The following IL5RA variants were observed in gnomAD, a reference collection of about 807,000 sequenced individuals.
IL5RA encodes the protein interleukin-5 receptor subunit alpha.
IL5RA carries 49 observed loss-of-function variants against 50.0 expected under a neutral mutation model. The observed-to-expected ratio is 0.98, with a 90% CI of 0.78 to 1.24. The LOEUF (loss-of-function observed/expected upper bound fraction) is 1.24. Among genes scored for constraint, IL5RA ranks in the 50% most tolerant of loss-of-function variants. IL5RA has a pLI of 0.00. For synonymous variants in IL5RA, 202 were observed against 174.0 expected, an observed-to-expected ratio of 1.16 and a Z score of -1.26; for missense variants, 600 against 500.4, an observed-to-expected ratio of 1.20 and a Z score of -1.90.
chr3:3,079,790 C>G (rs1166166944), intron 9 of IL5RA, among the ~76,000 whole-genome samples: 1 of 152,170 alleles, frequency 6.6e-6, no homozygotes, highest in Non-Finnish European at 1.5e-5. Context: ...AATCCCAGCA[C>G]TTTGGGAGGC....
intron 9 of IL5RA, among the ~76,000 whole-genome samples, chr3:3,089,087 G>A (rs1474943210): frequency 6.6e-6 from 1 of 152,130 alleles, no homozygotes; most frequent in Non-Finnish European, 1.5e-5. Flanking sequence ...ATCAACCTAG[G>A]GAGGAGGGGA....
intron 9 of IL5RA, among the ~76,000 whole-genome samples, chr3:3,085,476 G>T (rs1247699559): frequency 6.6e-6 from 1 of 152,210 alleles, no homozygotes; most frequent in Non-Finnish European, 1.5e-5. Flanking sequence ...AGGAGAGACA[G>T]AGAGAAGGGA....
intron 9 of IL5RA, among the ~76,000 whole-genome samples, chr3:3,087,661 A>AG (rs556800817): frequency 8.5e-4 from 129 of 152,094 alleles, no homozygotes; most frequent in African/African-American, 2.4e-3. Context: ...TAACTATGAA[A>AG]GGGTTGATAT....
chr3:3,092,371 G>A lies in IL5RA; in HGVS notation c.856-9C>T. 1 of 1,611,526 alleles carries A rather than the reference G, an allele frequency of 6.2e-7. No individual in the cohort carries two copies. Among genetic ancestry groups the A allele is most frequent in the Admixed American group, 1.7e-5 (1 of 59,996 alleles). ...GTCATCAATTTTTCTATCTAAGTGG[G>A]GAAAGATAGCATTAGAAGAATCTCT... On this transcript the variant is annotated splice_polypyrimidine_tract_variant and intron_variant, in intron 8 of 11. Transcript: ENST00000446632. The surrounding 1 kb of genome is among the most constrained non-coding windows in gnomAD (Gnocchi z 4.2).
At chr3:3,072,011 A>G (rs1204772679) in intron 11 of IL5RA, among the ~76,000 whole-genome samples, 1 of 152,220 alleles carries the variant, frequency 6.6e-6, no homozygotes. Flanking sequence ...GGTGCACATT[A>G]CCATGAAAAG....
chr3:3,102,562 T>A (rs2257283), intron 4 of IL5RA, 113 bp downstream of exon 4: 551,809 of 704,366 alleles, frequency 0.78, 217,041 homozygotes, highest in South Asian at 0.9. Flanking sequence ...TAACATAACA[T>A]AGAGCCTGTC....
At chr3:3,101,978 C>A in intron 4 of IL5RA, 148 bp from the exon 5 acceptor site, 1 of 690,252 alleles carries the variant, frequency 1.4e-6, no homozygotes, top group Non-Finnish European at 2.4e-6. Flanking sequence ...CAAAACAAAA[C>A]CATTGTAATA....
At chr3:3,098,622 G>A (rs1703479087) in intron 5 of IL5RA, among the ~76,000 whole-genome samples, 1 of 152,038 alleles carries the variant, frequency 6.6e-6, no homozygotes, top group South Asian at 2.1e-4. Context: ...TGGCCAGGCT[G>A]GTCTTGAACT....
chr3:3,088,332 C>T (rs1702956810), intron 9 of IL5RA, among the ~76,000 whole-genome samples: 1 of 152,002 alleles, frequency 6.6e-6, no homozygotes, highest in Non-Finnish European at 1.5e-5. Flanking sequence ...GATGCTAAGC[C>T]CAGAGAGGTT....
At chr3:3,094,173 G>A (rs1703253202) in intron 8 of IL5RA, among the ~76,000 whole-genome samples, 1 of 151,990 alleles carries the variant, frequency 6.6e-6, no homozygotes, top group South Asian at 2.1e-4. Context: ...GTACAGCTTT[G>A]TGATATTAAA....
chr3:3,102,931 G>T, intron 3 of IL5RA, 111 bp from the exon 4 acceptor site: 4 of 788,154 alleles, frequency 5.1e-6, no homozygotes, highest in Admixed American at 3.3e-5. Flanking sequence ...GGACCTGCCA[G>T]CACCACAGAC....
chr3:3,095,618 T>C (rs549476953), intron 7 of IL5RA, among the ~76,000 whole-genome samples, 174 bp from the exon 8 acceptor site: 2 of 152,288 alleles, frequency 1.3e-5, no homozygotes, highest in African/African-American at 4.8e-5. Flanking sequence ...TGGCCTCCCA[T>C]AATACTCTTG....
chr3:3,104,472 A>T (rs923893372), intron 3 of IL5RA, among the ~76,000 whole-genome samples: 14 of 152,358 alleles, frequency 9.2e-5, no homozygotes, highest in African/African-American at 3.1e-4. Flanking sequence ...AGTTCTGTTG[A>T]CAATGCTAGA....
chr3:3,103,915 A>G (rs1559880076), intron 3 of IL5RA, among the ~76,000 whole-genome samples: 2 of 152,332 alleles, frequency 1.3e-5, no homozygotes, highest in South Asian at 4.1e-4. Context: ...TTATCCATTG[A>G]CCTTAACGGA....
At position 3,067,532 on chromosome 3, in the gene IL5RA, T is replaced by A. The variant is rs1277670431; in HGVS notation, c.*2693A>T. Reference sequence around the variant, plus strand: ...CAGCTGTTAATGGTATATTCTACAATGCAGTAGCTCTAACACGGGTATGAG... The same window carrying A: ...CAGCTGTTAATGGTATATTCTACAAAGCAGTAGCTCTAACACGGGTATGAG... On this transcript the variant is annotated 3_prime_UTR_variant, in exon 12 of 12. Transcript: ENST00000446632. The A allele has an allele frequency of 6.6e-6, 1 of 152,232 alleles. No individual in the cohort carries two copies. The highest frequency in any genetic ancestry group is 2.4e-5 in the African/African-American group (1 of 41,466). The allele number at this position is 152,232 out of a possible 1,614,324, so 9.4% of individuals were successfully genotyped here.
chr3:3,086,935 G>A (rs113379917), intron 9 of IL5RA, among the ~76,000 whole-genome samples: 17 of 152,118 alleles, frequency 1.1e-4, no homozygotes, highest in African/African-American at 3.4e-4. Context: ...GGAATTGGAG[G>A]CCATTACCCT....
chr3:3,095,628 G>C (rs948504438), intron 7 of IL5RA, among the ~76,000 whole-genome samples, 184 bp from the exon 8 acceptor site: 2 of 152,042 alleles, frequency 1.3e-5, no homozygotes, highest in Non-Finnish European at 2.9e-5. Flanking sequence ...TAATACTCTT[G>C]TCTTATAGTG....
At chr3:3,095,986 G>A (rs1014884853) in intron 7 of IL5RA, among the ~76,000 whole-genome samples, 1 of 152,194 alleles carries the variant, frequency 6.6e-6, no homozygotes, top group African/African-American at 2.4e-5. Context: ...GCATCAAAAA[G>A]AATGGATTGG....
chr3:3,108,007 C>A (rs1259553084), intron 2 of IL5RA, among the ~76,000 whole-genome samples: 3 of 152,114 alleles, frequency 2.0e-5, no homozygotes, highest in African/African-American at 4.8e-5. Flanking sequence ...GTTTTTAAAA[C>A]CTTTTTGAGT....
Sources: allele counts gnomAD v4.1 joint callset (sites outside exome capture counted in the v4.1 genomes callset), GRCh38; gene constraint gnomAD v4.1.1; non-coding constraint Gnocchi (gnomAD v3.1); transcripts MANE v1.5; gene names NCBI Gene and HGNC (gene_info 2026-07-23, HGNC 2026-07-21).